NTMT1: variants seen among roughly 807,000 people sequenced by gnomAD.
NTMT1 encodes the protein N-terminal RCC1 methyltransferase.
NTMT1 carries 8 observed loss-of-function variants against 17.5 expected under a neutral mutation model. The ratio of observed to expected loss-of-function variants is 0.46; its 90% CI spans 0.27 to 0.82. NTMT1 has a LOEUF of 0.82. Ranked by LOEUF, NTMT1 falls within the 40% of genes least tolerant of loss-of-function variation. The probability of loss-of-function intolerance (pLI) is 0.15; values close to 1 mark genes in which losing one functional copy is unlikely to be tolerated. For synonymous variants in NTMT1, 128 were observed against 126.8 expected (o/e 1.01, Z -0.06); for missense variants, 221 against 303.5 (o/e 0.73, Z 2.02).
At chr9:129,633,030 G>A in intron 2 of NTMT1, 165 bp downstream of exon 2, 1 of 705,794 alleles carries the variant, frequency 1.4e-6, no homozygotes, top group Non-Finnish European at 2.3e-6. Context: ...GCACAGTGGG[G>A]TAACTTCTAG....
chr9:129,623,353 G>A (rs866179159), upstream of NTMT1, among the ~76,000 whole-genome samples: 70 of 148,830 alleles, frequency 4.7e-4, no homozygotes, highest in Middle Eastern at 6.9e-3. Context: ...AAAGAAGGAA[G>A]GAAGGAAGGA....
In NTMT1 at chr9:129,620,040, C is replaced by T; in HGVS notation, c.-55+10862C>T. ...CCCCCCACCGGAAATGACTCGGGCC[C>T]GCCCCCCGGGCCCCGCGGGGCCTCA... On this transcript the variant is annotated intron_variant, in intron 1 of 3. Transcript: ENST00000372486. This position sits in a 1 kb window ranked among gnomAD's most constrained non-coding sequence, Gnocchi z 5.8. The T allele has an allele frequency of 3.4e-6, 5 of 1,453,952 alleles. No homozygotes were observed. Among genetic ancestry groups the T allele is most frequent in the South Asian group, 1.5e-5 (1 of 68,684 alleles). 90.1% of individuals were successfully genotyped at this position (1,453,952 alleles called of 1,614,324 possible). A position where few individuals can be genotyped will look rare whatever the true frequency, so the allele number is the denominator to read the frequency against.
upstream of NTMT1, among the ~76,000 whole-genome samples, chr9:129,624,903 G>C (rs764012185): frequency 1.8e-4 from 28 of 152,282 alleles, no homozygotes; most frequent in Non-Finnish European, 2.5e-4. Context: ...GCTGGGATTA[G>C]AGTCGTGCAC....
Position 129,632,908 on chromosome 9 carries a change from G to T in NTMT1, c.162+43G>T, listed in dbSNP as rs1393700528. On this transcript the variant is annotated intron_variant, in intron 2 of 3. Transcript: ENST00000372483. Reference sequence around the variant, plus strand: ...GCTCTCCAGGAGAGGCTGTGGCTCTGGTGGCACTGCCGAGTCCATGTGGGG... The same window carrying T: ...GCTCTCCAGGAGAGGCTGTGGCTCTTGTGGCACTGCCGAGTCCATGTGGGG... 1.9e-6 allele frequency: 3 copies of T among 1,598,374 alleles called. No homozygotes were observed. In the African/African-American group the frequency reaches 4.0e-5, roughly 21 times the overall value.
chr9:129,612,551 G>T, intron 1 of NTMT1: 2 of 896,934 alleles, frequency 2.2e-6, no homozygotes, highest in Non-Finnish European at 1.8e-6. Flanking sequence ...TGTTGGGCAG[G>T]TAGTGCTGTC....
upstream of NTMT1, among the ~76,000 whole-genome samples, chr9:129,624,393 T>TA (rs1421224086): frequency 6.6e-6 from 1 of 152,122 alleles, no homozygotes; most frequent in Non-Finnish European, 1.5e-5. Context: ...TCCCTTTGCT[T>TA]AAAGACACAG....
chr9:129,632,992 C>CA, intron 2 of NTMT1, 127 bp downstream of exon 2: 1 of 1,108,064 alleles, frequency 9.0e-7, no homozygotes, highest in Non-Finnish European at 1.3e-6. Context: ...GTACCTACCC[C>CA]AAAGCCTTGA....
intron 1 of NTMT1, among the ~76,000 whole-genome samples, chr9:129,617,455 AC>A (rs1243150892): frequency 2.6e-5 from 4 of 152,230 alleles, no homozygotes; most frequent in African/African-American, 9.6e-5. Flanking sequence ...GTTCTGAGGC[AC>A]CACAGTGTCC....
chr9:129,635,589 C>G lies in NTMT1; in HGVS notation c.*125C>G. On this transcript the variant is annotated 3_prime_UTR_variant, in exon 4 of 4. Transcript: ENST00000372483. ...AGGCACCACTAAATATAGCTGTCTG[C>G]CGTCCACTCATTATGCGGGCTCTTC... The G allele has an allele frequency of 8.5e-7, 1 of 1,176,818 alleles. No homozygotes were observed. The highest frequency in any genetic ancestry group is 2.4e-5 in the East Asian group (1 of 42,258). The allele number at this position is 1,176,818 out of a possible 1,614,324, so 72.9% of individuals were successfully genotyped here. A position where few individuals can be genotyped will look rare whatever the true frequency, so the allele number is the denominator to read the frequency against.
At chr9:129,610,420 G>A (rs1318506094) in intron 1 of NTMT1, among the ~76,000 whole-genome samples, 3 of 151,928 alleles carry the variant, frequency 2.0e-5, no homozygotes, top group Non-Finnish European at 4.4e-5. Context: ...GCTCGGCGCT[G>A]CCGCACGGCT....
At chr9:129,629,502 C>G (rs1474657033) in intron 1 of NTMT1, among the ~76,000 whole-genome samples, 1 of 152,148 alleles carries the variant, frequency 6.6e-6, no homozygotes, top group South Asian at 2.1e-4. Context: ...GTGATCCTCC[C>G]ACCTCAGTCT....
Position 129,621,153 on chromosome 9 carries a change from T to C in NTMT1, c.-54-11497T>C, listed in dbSNP as rs113840862. On this transcript the variant is annotated intron_variant, in intron 1 of 3. Coordinates refer to the NTMT1 transcript ENST00000372486. Reference sequence around the variant, plus strand: ...TCAAAGCGTGGAACTGTTACCGTCATTAGCGCTCTACTGGGAATTAGGAAA... The same window carrying C: ...TCAAAGCGTGGAACTGTTACCGTCACTAGCGCTCTACTGGGAATTAGGAAA... Among the ~76,000 whole-genome samples the C allele has an allele frequency of 5.4e-3, 818 of 152,318 alleles. 11 individuals carry two copies. Among genetic ancestry groups the C allele is most frequent in the African/African-American group, 0.019 (772 of 41,566 alleles).
Position 129,620,567 on chromosome 9 carries a change from C to T in NTMT1, c.-55+11389C>T. On this transcript the variant is annotated intron_variant, in intron 1 of 3. Transcript: ENST00000372486. This position sits in a 1 kb window ranked among gnomAD's most constrained non-coding sequence, Gnocchi z 5.8. ...CTGGGCCCCTGGGCGAAGTCGACGC[C>T]AGAACATGCTTGGCCCCGCACTCAG... The T allele has an allele frequency of 7.3e-7, 1 of 1,370,580 alleles. No homozygotes were observed. Among genetic ancestry groups the T allele is most frequent in the Non-Finnish European group, 9.4e-7 (1 of 1,060,134 alleles). 84.9% of individuals were successfully genotyped at this position (1,370,580 alleles called of 1,614,324 possible).
intron 1 of NTMT1, among the ~76,000 whole-genome samples, chr9:129,616,271 A>G (rs1295406406): frequency 1.3e-5 from 2 of 152,186 alleles, no homozygotes; most frequent in Non-Finnish European, 2.9e-5. Context: ...GCTGGAGTGC[A>G]GTGGTGCCAT....
At chr9:129,635,144 A>G in intron 3 of NTMT1, 64 bp from the exon 4 acceptor site, 4 of 1,557,098 alleles carry the variant, frequency 2.6e-6, no homozygotes, top group East Asian at 4.5e-5. Flanking sequence ...TGAGAAGTAC[A>G]TCCCATCCAG....
Position 129,634,218 on chromosome 9 carries a change from G to A in NTMT1, c.327G>A (p.Lys109=). 6.2e-7 allele frequency: 1 copy of A among 1,614,168 alleles called. No homozygotes were observed. Residue 109 remains lysine, a synonymous_variant, in exon 3 of 4, where the codon AAG becomes AAA. Coordinates refer to ENST00000372483, the MANE Select transcript of NTMT1 (RefSeq NM_014064.4). ...AGACCTACCTGGGGGAGGAGGGCAA[G>A]AGGGTGAGGAACTACTTCTGTTGTG... ...QAKTYLGEEG[K]RVRNYFCCGL... is the part of the protein sequence containing the mutation.
intron 1 of NTMT1, chr9:129,619,465 G>A (rs1304743112): frequency 6.4e-6 from 8 of 1,257,982 alleles, no homozygotes; most frequent in Middle Eastern, 3.9e-4. Flanking sequence ...AAAGAAAGAA[G>A]GAAAGAAATG....
In NTMT1 at chr9:129,613,381, G is replaced by A; in HGVS notation, c.-55+4203G>A. On this transcript the variant is annotated intron_variant, in intron 1 of 3. Transcript: ENST00000372486. The surrounding 1 kb of genome is among the most constrained non-coding windows in gnomAD (Gnocchi z 6.2). Reference sequence around the variant, plus strand: ...GGTGGGGAGGTCTGTAGGCAAGGGGGGTGGAGGGCCCTGGCAATGTCCACG... The same window carrying A: ...GGTGGGGAGGTCTGTAGGCAAGGGGAGTGGAGGGCCCTGGCAATGTCCACG... 1.3e-6 allele frequency: 2 copies of A among 1,597,884 alleles called. No homozygotes were observed. Among genetic ancestry groups the A allele is most frequent in the Non-Finnish European group, 1.7e-6 (2 of 1,169,766 alleles).
In NTMT1 at chr9:129,632,933, G is replaced by T. The variant is rs1467969856; in HGVS notation, c.162+68G>T. 4.5e-6 allele frequency: 7 copies of T among 1,547,040 alleles called. No homozygotes were observed. In the Admixed American group the frequency reaches 5.3e-5, roughly 12 times the overall value. ...GGTGGCACTGCCGAGTCCATGTGGGGTGCCACCTTTTACACATGTAACACT... is the reference window on the plus strand; with the variant it reads ...GGTGGCACTGCCGAGTCCATGTGGGTTGCCACCTTTTACACATGTAACACT... On this transcript the variant is annotated intron_variant, in intron 2 of 3. Coordinates refer to ENST00000372483, the MANE Select transcript of NTMT1 (RefSeq NM_014064.4).
Sources: gnomAD v4.1 joint callset for allele counts (sites outside exome capture counted in the v4.1 genomes callset) on GRCh38, gnomAD v4.1.1 for gene constraint, Gnocchi (gnomAD v3.1) non-coding constraint, MANE v1.5 for transcripts, NCBI Gene and HGNC (gene_info 2026-07-23, HGNC 2026-07-21) for gene names.